VWA8: variants seen among roughly 807,000 people sequenced by gnomAD.
The protein encoded by VWA8 is von Willebrand factor A domain-containing protein 8.
A neutral mutation model predicts 241.5 loss-of-function variants in VWA8; 221 were observed. The ratio of observed to expected loss-of-function variants is 0.91; its 90% CI spans 0.82 to 1.02. The LOEUF (loss-of-function observed/expected upper bound fraction) is 1.02. Among genes scored for constraint, VWA8 ranks in the 50% least tolerant of loss-of-function variants. The pLI, the probability that VWA8 is intolerant of heterozygous loss-of-function variation, is 0.00. For synonymous variants in VWA8, 852 were observed against 827.1 expected, an observed-to-expected ratio of 1.03 and a Z score of -0.52; for missense variants, 2,322 against 2,328.7, an observed-to-expected ratio of 1.00 and a Z score of 0.06.
intron 24 of VWA8, among the ~76,000 whole-genome samples, chr13:41,723,161 GTC>G (rs1190576146): frequency 6.6e-6 from 1 of 152,042 alleles, no homozygotes; most frequent in African/African-American, 2.4e-5. Context: ...CTCTCTCTCT[GTC>G]TCTCTCTCTT....
intron 37 of VWA8, among the ~76,000 whole-genome samples, chr13:41,631,757 C>T (rs1043468154): frequency 1.4e-4 from 21 of 152,176 alleles, no homozygotes; most frequent in African/African-American, 5.1e-4. Flanking sequence ...TACTTATAAA[C>T]AAACCTTTAA....
Position 41,583,983 on chromosome 13 carries a change from T to C in VWA8, c.5271+3529A>G, listed in dbSNP as rs145247083. On this transcript the variant is annotated intron_variant, in intron 42 of 44. Transcript: ENST00000379310. ...AATGTCCTTACTCTTAGGAGACATA[T>C]AATGAAGTATTTAGAGGTAAAGCAT... Among the ~76,000 whole-genome samples, 25 of 152,290 alleles carry C rather than the reference T, an allele frequency of 1.6e-4. No homozygotes were observed. The East Asian group carries it at 3.3e-3, about 20-fold the overall frequency.
chr13:41,622,550 G>A (rs539039897), intron 37 of VWA8, among the ~76,000 whole-genome samples: 1 of 152,268 alleles, frequency 6.6e-6, no homozygotes, highest in Admixed American at 6.5e-5. Flanking sequence ...GATGCAACCC[G>A]ATGCTGAGCC....
rs1011660527 is a variant in VWA8 at position 41,947,779 on chromosome 13, T to C, written c.241+2157A>G. Among the ~76,000 whole-genome samples, 6 of 151,512 alleles carry C rather than the reference T, an allele frequency of 4.0e-5. 1 individual carries two copies. Among genetic ancestry groups the C allele is most frequent in the African/African-American group, 1.5e-4 (6 of 41,316 alleles). ...GTGAAACCCCATCTCTACCAAAAAATACAAAAATTGCTGGGGATGGTAACC... is the reference window on the plus strand; with the variant it reads ...GTGAAACCCCATCTCTACCAAAAAACACAAAAATTGCTGGGGATGGTAACC... On this transcript the variant is annotated intron_variant, in intron 2 of 44. Coordinates refer to ENST00000379310, the MANE Select transcript of VWA8 (RefSeq NM_015058.2).
chr13:41,794,372 A>G (rs1311310541), intron 17 of VWA8, among the ~76,000 whole-genome samples: 1 of 151,948 alleles, frequency 6.6e-6, no homozygotes, highest in Non-Finnish European at 1.5e-5. Context: ...CTGTATTCCT[A>G]GGTGTTTTGT....
chr13:41,950,400 A>G (rs1878073755), intron 1 of VWA8, among the ~76,000 whole-genome samples: 1 of 151,290 alleles, frequency 6.6e-6, no homozygotes. Context: ...ATGGAGTCTC[A>G]CTCTGTCACC....
intron 34 of VWA8, among the ~76,000 whole-genome samples, chr13:41,687,223 C>G (rs1421687927): frequency 6.6e-6 from 1 of 152,030 alleles, no homozygotes; most frequent in Non-Finnish European, 1.5e-5. Context: ...TATCAATTTT[C>G]TCTTTATATA....
intron 26 of VWA8, among the ~76,000 whole-genome samples, chr13:41,716,154 A>T (rs1180805280): frequency 6.6e-6 from 1 of 151,992 alleles, no homozygotes; most frequent in African/African-American, 2.4e-5. Context: ...TAGGTAGCCA[A>T]TTCTGATCCT....
intron 12 of VWA8, among the ~76,000 whole-genome samples, chr13:41,847,744 G>T (rs1005325970): frequency 2.0e-5 from 3 of 152,218 alleles, no homozygotes; most frequent in African/African-American, 7.2e-5. Context: ...CCAGGGTAAA[G>T]TGTCTTTATT....
At chr13:41,836,603 T>A (rs1194994291) in intron 12 of VWA8, among the ~76,000 whole-genome samples, 6 of 152,208 alleles carry the variant, frequency 3.9e-5, no homozygotes, top group Non-Finnish European at 8.8e-5. Flanking sequence ...AAAAGCACTA[T>A]TTCATTTGGT....
rs545391732 is a variant in VWA8, at chr13:41,835,969, G to A, written c.1426-2438C>T. Among the ~76,000 whole-genome samples, 20 of 152,260 alleles carry A rather than the reference G, an allele frequency of 1.3e-4. No individual in the cohort carries two copies. In the South Asian group the frequency reaches 4.1e-3, roughly 32 times the overall value. On this transcript the variant is annotated intron_variant, in intron 12 of 44. Transcript: ENST00000379310. ...AGATACATTATCAGAAACAGGTGGG[G>A]AACTTTTGAAACATATATAAACTTA...
At chr13:41,897,576 G>A (rs1875176668) in intron 4 of VWA8, among the ~76,000 whole-genome samples, 1 of 152,174 alleles carries the variant, frequency 6.6e-6, no homozygotes, top group Non-Finnish European at 1.5e-5. Flanking sequence ...TATTGTGTCC[G>A]AAATTGGTAG....
intron 16 of VWA8, among the ~76,000 whole-genome samples, chr13:41,814,744 T>C (rs536783267): frequency 6.6e-6 from 1 of 152,274 alleles, no homozygotes; most frequent in Admixed American, 6.5e-5. Context: ...TACTAATCTC[T>C]AACTTTGTTC....
At chr13:41,876,895 C>T (rs922339603) in intron 9 of VWA8, among the ~76,000 whole-genome samples, 1 of 152,118 alleles carries the variant, frequency 6.6e-6, no homozygotes, top group Non-Finnish European at 1.5e-5. Context: ...TCTTTCCCTA[C>T]TTATCCAATC....
At chr13:41,855,720 C>T (rs1316279155) in intron 12 of VWA8, among the ~76,000 whole-genome samples, 1 of 152,028 alleles carries the variant, frequency 6.6e-6, no homozygotes, top group Non-Finnish European at 1.5e-5. Context: ...TGGAAATGCC[C>T]TATATCTCAA....
chr13:41,689,455 G>A lies in VWA8; in HGVS notation c.4030C>T (p.His1344Tyr), dbSNP rs1034274905. The A allele has an allele frequency of 1.9e-6, 3 of 1,611,716 alleles. No individual in the cohort carries two copies. Among genetic ancestry groups the A allele is most frequent in the East Asian group, 2.2e-5 (1 of 44,738 alleles). The change falls in exon 34 of 45, where the codon CAT (histidine) becomes TAT (tyrosine). Residue 1344 changes from histidine to tyrosine, a missense_variant. Transcript: ENST00000379310. ...TTTTGTTCCACAGCTGAACTTAGAT[G>A]TTCAGATGATAGTTGATCACTGGAA... ...KISSDQLSSE[H>Y]LSSAVEQKIA...
At position 41,833,978 on chromosome 13, in the gene VWA8, A is replaced by G. The variant is rs964658166; in HGVS notation, c.1426-447T>C. Among the ~76,000 whole-genome samples, 6 of 152,328 alleles carry G rather than the reference A, an allele frequency of 3.9e-5. No homozygotes were observed. The East Asian group carries it at 1.2e-3, about 29-fold the overall frequency. On this transcript the variant is annotated intron_variant, in intron 12 of 44. Transcript: ENST00000379310. Reference sequence around the variant, plus strand: ...AACTCAACATGCAGAGATGTTTATCAATAATGTGCATTTTCTAGCAGTTGA... The same window carrying G: ...AACTCAACATGCAGAGATGTTTATCGATAATGTGCATTTTCTAGCAGTTGA...
intron 4 of VWA8, among the ~76,000 whole-genome samples, chr13:41,904,014 G>T (rs928129435): frequency 6.6e-6 from 1 of 152,122 alleles, no homozygotes; most frequent in African/African-American, 2.4e-5. Flanking sequence ...GAATGAGCAG[G>T]ATTCACCAAC....
chr13:41,950,395 G>A (rs1878073480), intron 1 of VWA8, among the ~76,000 whole-genome samples: 1 of 151,088 alleles, frequency 6.6e-6, no homozygotes, highest in Non-Finnish European at 1.5e-5. Flanking sequence ...TTGAGATGGA[G>A]TCTCACTCTG....
Sources: allele counts gnomAD v4.1 joint callset (sites outside exome capture counted in the v4.1 genomes callset), GRCh38; gene constraint gnomAD v4.1.1; transcripts MANE v1.5; gene names NCBI Gene and HGNC (gene_info 2026-07-23, HGNC 2026-07-21).